VPS13B: variants seen among roughly 807,000 people sequenced by gnomAD.
VPS13B encodes intermembrane lipid transfer protein VPS13B.
VPS13B carries 285 observed loss-of-function variants against 426.4 expected under a neutral mutation model. The observed-to-expected ratio is 0.67, with a 90% CI of 0.61 to 0.74. The LOEUF is 0.74. Among genes scored for constraint, VPS13B ranks in the 30% least tolerant of loss-of-function variants. VPS13B has a pLI of 0.00. For missense variants in VPS13B, 4,537 were observed against 4,782.6 expected (o/e 0.95, Z 1.51); for synonymous variants, 1,676 against 1,676.4 (o/e 1.00, Z 0.01).
intron 15 of VPS13B, among the ~76,000 whole-genome samples, chr8:99,164,283 C>T (rs1404589920): frequency 1.3e-5 from 2 of 152,142 alleles, no homozygotes; most frequent in Non-Finnish European, 2.9e-5. Context: ...GCCACAGGAC[C>T]TAGAAAGGGG....
intron 34 of VPS13B, among the ~76,000 whole-genome samples, chr8:99,643,455 T>G (rs921351343): frequency 6.6e-6 from 1 of 152,306 alleles, no homozygotes; most frequent in South Asian, 2.1e-4. Flanking sequence ...GAAAGGTAGA[T>G]GGCAGGTGTG....
intron 35 of VPS13B, among the ~76,000 whole-genome samples, chr8:99,669,788 A>G (rs1213717097): frequency 6.6e-6 from 1 of 151,988 alleles, no homozygotes; most frequent in South Asian, 2.1e-4. Flanking sequence ...GATTTTAAGA[A>G]TCTGTTGACT....
intron 5 of VPS13B, among the ~76,000 whole-genome samples, chr8:99,103,982 C>T (rs936640057): frequency 3.3e-5 from 5 of 152,242 alleles, no homozygotes; most frequent in Non-Finnish European, 1.5e-5. Context: ...TCTTACTTGC[C>T]ACATGCTTGT....
chr8:99,765,707 G>A (rs1335349205), intron 39 of VPS13B, among the ~76,000 whole-genome samples: 1 of 152,148 alleles, frequency 6.6e-6, no homozygotes, highest in Non-Finnish European at 1.5e-5. Context: ...CCTTTTCTCT[G>A]TGATTATGTA....
chr8:99,398,121 G>A (rs1214426695), intron 21 of VPS13B, among the ~76,000 whole-genome samples: 1 of 152,194 alleles, frequency 6.6e-6, no homozygotes, highest in African/African-American at 2.4e-5. Context: ...AATGTTTTTA[G>A]TGTTGCTTAG....
chr8:99,049,794 G>T (rs1218322416), intron 3 of VPS13B, among the ~76,000 whole-genome samples: 4 of 151,684 alleles, frequency 2.6e-5, no homozygotes, highest in Non-Finnish European at 4.4e-5. Context: ...TTCTTCCTCA[G>T]GAATGCCAAT....
chr8:99,818,795 T>C lies in VPS13B; in HGVS notation c.8528T>C (p.Leu2843Ser), dbSNP rs552728714. The C allele has an allele frequency of 1.5e-5, 24 of 1,614,058 alleles. No homozygotes were observed. The highest frequency in any genetic ancestry group is 2.7e-5 in the African/African-American group (2 of 75,036). Reference protein sequence around the residue: ...IIHLEKRSLGLSETQIIPGKG... With the variant: ...IIHLEKRSLGSSETQIIPGKG... Reference sequence around the variant, plus strand: ...CATTTGGAGAAAAGGAGTCTGGGATTGAGTGAAACACAAATTATTCCAGGA... The same window carrying C: ...CATTTGGAGAAAAGGAGTCTGGGATCGAGTGAAACACAAATTATTCCAGGA... The change falls in exon 47 of 62, where the codon TTG (leucine) becomes TCG (serine). Residue 2843 changes from leucine to serine, a missense_variant. By Grantham distance (145) the Leu-to-Ser change is moderately radical (BLOSUM62 -2). This residue lies in a region of VPS13B where 4,311 missense variants were observed against 4,474.3 expected (regional missense o/e 0.96). Transcript: ENST00000357162.
chr8:99,027,750 AT>A (rs1490620681), intron 2 of VPS13B, among the ~76,000 whole-genome samples: 3 of 149,058 alleles, frequency 2.0e-5, no homozygotes, highest in Admixed American at 2.0e-4. Context: ...TTTATTTTTT[AT>A]TTTTATTTTT....
chr8:99,600,568 A>G (rs1243021571), intron 33 of VPS13B, among the ~76,000 whole-genome samples: 1 of 152,200 alleles, frequency 6.6e-6, no homozygotes, highest in Non-Finnish European at 1.5e-5. Context: ...GAATAGTGGC[A>G]GGTGGACTAG....
chr8:99,498,285 T>C (rs970308456), intron 25 of VPS13B, among the ~76,000 whole-genome samples: 5 of 152,146 alleles, frequency 3.3e-5, no homozygotes, highest in Non-Finnish European at 5.9e-5. Context: ...CATTAAAATT[T>C]TTAAACATTT....
In VPS13B at chr8:99,379,086, C is replaced by A. The variant is rs574675989; in HGVS notation, c.2825-5122C>A. ...CATTAGATTCTCAAAGGAACGCAAA[C>A]CCTATTATGAATTGTGCATACAAGG... On this transcript the variant is annotated intron_variant, in intron 19 of 61. Coordinates refer to ENST00000357162, the MANE Select transcript of VPS13B (RefSeq NM_152564.5). Among the ~76,000 whole-genome samples the A allele has an allele frequency of 4.6e-5, 7 of 152,224 alleles. No homozygotes were observed. In the East Asian group the frequency reaches 1.4e-3, roughly 29 times the overall value.
chr8:99,190,161 C>T (rs1246355591), intron 16 of VPS13B, among the ~76,000 whole-genome samples: 1 of 152,048 alleles, frequency 6.6e-6, no homozygotes, highest in East Asian at 1.9e-4. Context: ...TGAAAAAAAT[C>T]TCTCTATATC....
At chr8:99,739,487 G>T (rs1284520850) in intron 39 of VPS13B, among the ~76,000 whole-genome samples, 1 of 152,204 alleles carries the variant, frequency 6.6e-6, no homozygotes, top group Non-Finnish European at 1.5e-5. Flanking sequence ...GGTTCTCCCT[G>T]CACACAGCCA....
Position 99,870,795 on chromosome 8 carries a change from T to G in VPS13B, c.11403T>G (p.His3801Gln), listed in dbSNP as rs769209653. Reference sequence around the variant, plus strand: ...CTTCTCTTACCACAGGTATTTTACATGGAGCTGGACTTTCTCAGCTTCCCA... The same window carrying G: ...CTTCTCTTACCACAGGTATTTTACAGGGAGCTGGACTTTCTCAGCTTCCCA... Reference protein sequence around the residue: ...LVSQTGYGILHGAGLSQLPKQ... With the variant: ...LVSQTGYGILQGAGLSQLPKQ... Residue 3801 changes from histidine to glutamine, a missense_variant, in exon 60 of 62, where the codon CAT becomes CAG. His to Gln is a conservative substitution (Grantham distance 24, BLOSUM62 0). Around this residue, in one of 2 missense-constraint regions of VPS13B, gnomAD observed 4,311 missense variants for 4,474.3 expected, o/e 0.96. Coordinates refer to ENST00000357162, the MANE Select transcript of VPS13B (RefSeq NM_152564.5). The G allele has an allele frequency of 6.2e-7, 1 of 1,614,220 alleles. No homozygotes were observed. Among genetic ancestry groups the G allele is most frequent in the Non-Finnish European group, 8.5e-7 (1 of 1,180,006 alleles).
chr8:99,341,331 TC>T (rs1343798983), intron 19 of VPS13B: 1 of 165,038 alleles, frequency 6.1e-6, no homozygotes. Flanking sequence ...AGCTGCTTGT[TC>T]AGAACTTCGG....
At chr8:99,558,811 G>C (rs1355123647) in intron 31 of VPS13B, among the ~76,000 whole-genome samples, 1 of 152,176 alleles carries the variant, frequency 6.6e-6, no homozygotes. Context: ...GTCTATCATT[G>C]ATGGACATTT....
intron 8 of VPS13B, among the ~76,000 whole-genome samples, chr8:99,129,580 A>AG (rs1208179972): frequency 6.6e-6 from 1 of 151,224 alleles, no homozygotes; most frequent in Non-Finnish European, 1.5e-5. Context: ...AAAAAAAAAA[A>AG]AAAAAAAAAA....
At chr8:99,640,101 GAAAAGAA>G (rs1379907321) in intron 33 of VPS13B, among the ~76,000 whole-genome samples, 7 of 141,522 alleles carry the variant, frequency 4.9e-5, no homozygotes, top group Middle Eastern at 3.7e-3. Flanking sequence ...GAAAAGAAAA[GAAAAGAA>G]AAGAAGAAGA....
chr8:99,747,304 T>A (rs1810140413), intron 39 of VPS13B, among the ~76,000 whole-genome samples: 1 of 152,094 alleles, frequency 6.6e-6, no homozygotes, highest in African/African-American at 2.4e-5. Flanking sequence ...AAAAAAGTTT[T>A]AATTTTGGCT....
Sources: gnomAD v4.1 joint callset for allele counts (sites outside exome capture counted in the v4.1 genomes callset) on GRCh38, gnomAD v4.1.1 for gene constraint, gnomAD v4.1.1 regional missense constraint, MANE v1.5 for transcripts, NCBI Gene and HGNC (gene_info 2026-07-23, HGNC 2026-07-21) for gene names.